The following PRKAR2A variants were observed in gnomAD, a reference collection of about 807,000 sequenced individuals.
The protein encoded by PRKAR2A is cAMP-dependent protein kinase type II-alpha regulatory subunit.
A neutral mutation model predicts 51.9 loss-of-function variants in PRKAR2A; 29 were observed. The ratio of observed to expected loss-of-function variants is 0.56; its 90% CI spans 0.42 to 0.76. PRKAR2A has a LOEUF of 0.76. Ranked by LOEUF, PRKAR2A falls within the 30% of genes least tolerant of loss-of-function variation. PRKAR2A has a pLI of 0.00. For missense variants in PRKAR2A, 445 were observed against 512.1 expected (o/e 0.87, Z 1.26); for synonymous variants, 178 against 186.2 (o/e 0.96, Z 0.36).
intron 8 of PRKAR2A, among the ~76,000 whole-genome samples, chr3:48,762,779 AC>A (rs1346070085): frequency 6.6e-6 from 1 of 152,176 alleles, no homozygotes; most frequent in East Asian, 1.9e-4. Context: ...AAAAAAAATT[AC>A]ATTTGTACAA....
intron 8 of PRKAR2A, among the ~76,000 whole-genome samples, chr3:48,760,835 C>CAAA (rs538538946): frequency 1.6e-5 from 1 of 64,314 alleles, no homozygotes; most frequent in Non-Finnish European, 3.0e-5. Flanking sequence ...AACTCCGTCT[C>CAAA]AAAAAAAAAA....
chr3:48,783,742 G>A (rs1575873073), intron 4 of PRKAR2A, among the ~76,000 whole-genome samples: 4 of 152,066 alleles, frequency 2.6e-5, no homozygotes, highest in South Asian at 2.1e-4. Flanking sequence ...CACCACGCCT[G>A]GCAAATTTTT....
chr3:48,826,532 C>T (rs562371809), intron 1 of PRKAR2A, among the ~76,000 whole-genome samples: 28 of 152,130 alleles, frequency 1.8e-4, no homozygotes, highest in Non-Finnish European at 3.4e-4. Context: ...TTTTTACTGG[C>T]GTTTCCTAAC....
At chr3:48,752,388 A>G (rs1559598688) in intron 9 of PRKAR2A, 71 bp from the exon 10 acceptor site, 4 of 1,496,182 alleles carry the variant, frequency 2.7e-6, no homozygotes, top group Non-Finnish European at 3.6e-6. Flanking sequence ...TTGCACACAC[A>G]TACACTGTTC....
Position 48,753,920 on chromosome 3 carries a change from CAG to C in PRKAR2A, c.940-1605_940-1604del, listed in dbSNP as rs1316488155. ...GTTTTCTTTTTTTTTTTTTTTTGAGCAGAGTCTCACTCTGTTGCCCAGGCTGG... is the reference window on the plus strand; with the variant it reads ...GTTTTCTTTTTTTTTTTTTTTTGAGCAGTCTCACTCTGTTGCCCAGGCTGG... On this transcript the variant is annotated intron_variant, in intron 9 of 10. Coordinates refer to ENST00000265563, the MANE Select transcript of PRKAR2A (RefSeq NM_004157.4). 2.2e-4 allele frequency among the ~76,000 whole-genome samples: 26 copies of C among 120,792 alleles called. No homozygotes were observed. In the East Asian group the frequency reaches 2.6e-3, roughly 12 times the overall value. 79.2% of individuals were successfully genotyped at this position (120,792 alleles called of 152,430 possible).
intron 1 of PRKAR2A, among the ~76,000 whole-genome samples, chr3:48,827,806 T>A (rs2083094699): frequency 6.6e-6 from 1 of 152,138 alleles, no homozygotes; most frequent in South Asian, 2.1e-4. Flanking sequence ...CTATAAAAAA[T>A]ACGTTTTTTC....
rs1012384124 is a variant in PRKAR2A at position 48,747,610 on chromosome 3, A to G, written c.*3975T>C. ...AGCAATATATGTAACACAATTATAT[A>G]TGAAGACTATTGACTAACAGGACAA... On this transcript the variant is annotated 3_prime_UTR_variant, in exon 11 of 11. Transcript: ENST00000265563. The G allele has an allele frequency of 2.6e-5, 4 of 152,242 alleles. No individual in the cohort carries two copies. Among genetic ancestry groups the G allele is most frequent in the Non-Finnish European group, 4.4e-5 (3 of 68,042 alleles). 9.4% of individuals were successfully genotyped at this position (152,242 alleles called of 1,614,324 possible). A position where few individuals can be genotyped will look rare whatever the true frequency, so the allele number is the denominator to read the frequency against.
chr3:48,821,733 T>C (rs554035812), intron 1 of PRKAR2A, among the ~76,000 whole-genome samples: 2 of 148,020 alleles, frequency 1.4e-5, no homozygotes, highest in South Asian at 2.1e-4. Flanking sequence ...CTGGCCAACA[T>C]GGTGAAACCC....
At chr3:48,761,207 A>G (rs1040523399) in intron 8 of PRKAR2A, among the ~76,000 whole-genome samples, 2 of 151,562 alleles carry the variant, frequency 1.3e-5, no homozygotes, top group African/African-American at 4.9e-5. Context: ...GCGTGAACCC[A>G]GGAGGCGGAG....
chr3:48,756,095 T>C (rs1189377860), intron 9 of PRKAR2A, among the ~76,000 whole-genome samples: 2 of 152,190 alleles, frequency 1.3e-5, no homozygotes, highest in African/African-American at 4.8e-5. Context: ...CCCCATTTTC[T>C]ATTAGGGTTT....
At chr3:48,784,869 A>C (rs974636343) in intron 4 of PRKAR2A, among the ~76,000 whole-genome samples, 7 of 152,324 alleles carry the variant, frequency 4.6e-5, no homozygotes, top group African/African-American at 1.7e-4. Context: ...TGCAGTTTCC[A>C]AGACTACCAA....
intron 5 of PRKAR2A, among the ~76,000 whole-genome samples, chr3:48,776,891 A>G (rs561578357): frequency 1.3e-5 from 2 of 152,244 alleles, no homozygotes; most frequent in South Asian, 4.1e-4. Flanking sequence ...AAAACAGATT[A>G]AAAAAATTAA....
rs1002322312 is a variant in PRKAR2A, at chr3:48,749,006, T to A, written c.*2579A>T. ...TGGTGGGTTATTTACTCTGGAAATA[T>A]CTTGGTCACACTGTCCGTGGCAAAA... On this transcript the variant is annotated 3_prime_UTR_variant, in exon 11 of 11. Transcript: ENST00000265563. 2 of 152,216 alleles carry A rather than the reference T, an allele frequency of 1.3e-5. No individual in the cohort carries two copies. Among genetic ancestry groups the A allele is most frequent in the African/African-American group, 4.8e-5 (2 of 41,438 alleles). The allele number at this position is 152,216 out of a possible 1,614,324, so 9.4% of individuals were successfully genotyped here.
intron 8 of PRKAR2A, among the ~76,000 whole-genome samples, chr3:48,762,802 T>C (rs2081882293): frequency 6.6e-6 from 1 of 152,042 alleles, no homozygotes; most frequent in Admixed American, 6.6e-5. Flanking sequence ...GAAATATTAT[T>C]AGCAATAAAA....
rs923764875 is a variant in PRKAR2A, at chr3:48,847,209, G to A, written c.262+126C>T. Reference sequence around the variant, plus strand: ...TGTCTCAGGGAAACGCTAGAAACGCGGCTACAGAGCTCCCAATCCCAGCCT... The same window carrying A: ...TGTCTCAGGGAAACGCTAGAAACGCAGCTACAGAGCTCCCAATCCCAGCCT... On this transcript the variant is annotated intron_variant, in intron 1 of 10. Coordinates refer to ENST00000265563, the MANE Select transcript of PRKAR2A (RefSeq NM_004157.4). This position sits in a 1 kb window ranked among gnomAD's most constrained non-coding sequence, Gnocchi z 4.4. 16 of 1,222,420 alleles carry A rather than the reference G, an allele frequency of 1.3e-5. No homozygotes were observed. The African/African-American group carries it at 1.9e-4, about 14-fold the overall frequency. The allele number at this position is 1,222,420 out of a possible 1,614,324, so 75.7% of individuals were successfully genotyped here.
chr3:48,829,612 G>GTGTGTATATACACACATAAA (rs1354246292), intron 1 of PRKAR2A, among the ~76,000 whole-genome samples: 1 of 134,570 alleles, frequency 7.4e-6, no homozygotes, highest in African/African-American at 2.8e-5. Flanking sequence ...ATAAATGTGT[G>GTGTGTATATACACACATAAA]TGTGTATACG....
chr3:48,766,519 T>C (rs760247678), intron 6 of PRKAR2A, among the ~76,000 whole-genome samples: 5 of 152,056 alleles, frequency 3.3e-5, no homozygotes, highest in Admixed American at 6.6e-5. Context: ...TGAGCTGAGA[T>C]TGCGCCACTG....
chr3:48,828,194 T>C (rs973025961), intron 1 of PRKAR2A, among the ~76,000 whole-genome samples: 1 of 152,102 alleles, frequency 6.6e-6, no homozygotes, highest in Non-Finnish European at 1.5e-5. Context: ...TAACTTTTTT[T>C]CTCTTTTTTA....
intron 1 of PRKAR2A, among the ~76,000 whole-genome samples, chr3:48,829,549 T>C (rs2083131931): frequency 7.4e-6 from 1 of 135,834 alleles, no homozygotes; most frequent in Non-Finnish European, 1.6e-5. Context: ...GAAAAAAATA[T>C]ATATGTGTAT....
Sources: allele counts gnomAD v4.1 joint callset (sites outside exome capture counted in the v4.1 genomes callset), GRCh38; gene constraint gnomAD v4.1.1; non-coding constraint Gnocchi (gnomAD v3.1); transcripts MANE v1.5; gene names NCBI Gene and HGNC (gene_info 2026-07-23, HGNC 2026-07-21).